The following FGF14 variants were observed in gnomAD, a reference collection of about 807,000 sequenced individuals.
FGF14 encodes fibroblast growth factor 14.
Under a neutral mutation model 25.5 loss-of-function variants are expected in FGF14, and 5 were observed. The ratio of observed to expected loss-of-function variants is 0.20; its 90% CI spans 0.10 to 0.41. The LOEUF is 0.41. FGF14 is among the 10% of genes least tolerant of loss of function. The pLI is 1.00. For missense variants in FGF14, 222 were observed against 320.1 expected (o/e 0.69, Z 2.34); for synonymous variants, 138 against 118.3 (o/e 1.17, Z -1.08).
chr13:101,808,356 C>G (rs2041316715), intron 3 of FGF14, among the ~76,000 whole-genome samples: 3 of 151,730 alleles, frequency 2.0e-5, no homozygotes, highest in Admixed American at 6.6e-5. Flanking sequence ...GCTTCTTTAC[C>G]TATACCATTC....
At chr13:102,167,333 A>AAGGAAATT in intron 1 of FGF14, among the ~76,000 whole-genome samples, 1 of 151,230 alleles carries the variant, frequency 6.6e-6, no homozygotes, top group Non-Finnish European at 1.5e-5. Flanking sequence ...AAAAAAAAAA[A>AAGGAAATT]AGGAAATTGT....
intron 1 of FGF14, among the ~76,000 whole-genome samples, chr13:101,994,165 G>T (rs2039056621): frequency 1.3e-5 from 2 of 151,890 alleles, no homozygotes; most frequent in Non-Finnish European, 2.9e-5. Context: ...GTGTTTATGT[G>T]CAAATAAAGA....
intron 1 of FGF14, among the ~76,000 whole-genome samples, chr13:101,887,373 C>G (rs1021525718): frequency 9.9e-5 from 15 of 151,370 alleles, no homozygotes; most frequent in African/African-American, 3.4e-4. Context: ...CACACATGCA[C>G]ATATATAATG....
chr13:101,724,477 G>C (rs1443736336), intron 4 of FGF14, among the ~76,000 whole-genome samples: 1 of 151,452 alleles, frequency 6.6e-6, no homozygotes, highest in East Asian at 1.9e-4. Context: ...AGCATTAGGA[G>C]ATATACCTAA....
intron 3 of FGF14, among the ~76,000 whole-genome samples, chr13:101,756,233 T>G (rs1383425956): frequency 6.6e-6 from 1 of 152,236 alleles, no homozygotes; most frequent in African/African-American, 2.4e-5. Flanking sequence ...TATTTTAGAC[T>G]AATTCATGCC....
intron 3 of FGF14, among the ~76,000 whole-genome samples, chr13:101,811,207 T>C (rs2041493716): frequency 6.6e-6 from 1 of 152,118 alleles, no homozygotes; most frequent in Non-Finnish European, 1.5e-5. Flanking sequence ...ATATATCCAC[T>C]ATTATACTAT....
intron 1 of FGF14, among the ~76,000 whole-genome samples, chr13:102,381,035 A>G (rs184409615): frequency 1.3e-5 from 2 of 152,308 alleles, no homozygotes. Context: ...ATTAGCCTAC[A>G]GTTGGGCAAA....
chr13:101,920,235 T>C (rs1157744782), upstream of FGF14, among the ~76,000 whole-genome samples: 1 of 152,168 alleles, frequency 6.6e-6, no homozygotes, highest in Non-Finnish European at 1.5e-5. Context: ...TTGTCACTCA[T>C]CAGAACCTCC....
chr13:102,310,696 T>TGG (rs1181823636), intron 1 of FGF14, among the ~76,000 whole-genome samples: 29 of 3,458 alleles, frequency 8.4e-3, no homozygotes, highest in South Asian at 0.02. Context: ...TGTGTGTGTG[T>TGG]GGGGGGGGGG....
intron 1 of FGF14, among the ~76,000 whole-genome samples, chr13:102,371,674 C>T (rs930002214): frequency 5.9e-5 from 9 of 152,132 alleles, no homozygotes; most frequent in African/African-American, 1.9e-4. Context: ...ATTCTTGGCA[C>T]ATAGAAGATC....
intron 1 of FGF14, among the ~76,000 whole-genome samples, chr13:102,033,368 G>A (rs866813813): frequency 6.6e-5 from 10 of 152,076 alleles, no homozygotes; most frequent in African/African-American, 2.4e-4. Context: ...TTAAAATGGG[G>A]CACATGACAA....
chr13:101,797,065 C>A (rs1349855461), intron 3 of FGF14, among the ~76,000 whole-genome samples: 2 of 152,118 alleles, frequency 1.3e-5, no homozygotes, highest in African/African-American at 4.8e-5. Context: ...AATATTCTCG[C>A]AAGTCTTCTT....
At chr13:102,204,732 A>G (rs900405988) in intron 1 of FGF14, among the ~76,000 whole-genome samples, 1 of 152,008 alleles carries the variant, frequency 6.6e-6, no homozygotes, top group Non-Finnish European at 1.5e-5. Context: ...TTATTAGTAG[A>G]GATGGGGTTT....
chr13:102,336,480 A>G (rs551666293), intron 1 of FGF14, among the ~76,000 whole-genome samples: 30 of 152,016 alleles, frequency 2.0e-4, no homozygotes, highest in African/African-American at 2.7e-4. Context: ...AGGTTTAGGG[A>G]AAAAAAAGCC....
chr13:102,136,948 A>G (rs932977905), intron 1 of FGF14, among the ~76,000 whole-genome samples: 2 of 152,330 alleles, frequency 1.3e-5, no homozygotes, highest in African/African-American at 4.8e-5. Flanking sequence ...AACCTGGGAC[A>G]TTAGATTACT....
At chr13:102,154,111 T>G (rs2047209678) in intron 1 of FGF14, among the ~76,000 whole-genome samples, 1 of 152,088 alleles carries the variant, frequency 6.6e-6, no homozygotes, top group South Asian at 2.1e-4. Flanking sequence ...GTTAAATCTT[T>G]GAACTCCCAA....
At chr13:102,088,707 T>C (rs1264625940) in intron 1 of FGF14, among the ~76,000 whole-genome samples, 1 of 152,164 alleles carries the variant, frequency 6.6e-6, no homozygotes, top group Non-Finnish European at 1.5e-5. Context: ...TTTAGACATA[T>C]ATATCTAATC....
intron 1 of FGF14, among the ~76,000 whole-genome samples, chr13:102,181,078 G>A (rs1367533863): frequency 6.6e-6 from 1 of 152,116 alleles, no homozygotes; most frequent in Non-Finnish European, 1.5e-5. Flanking sequence ...CTCTCTACCT[G>A]TTGTTCTTCG....
At chr13:101,988,900 T>A (rs1054124067) in intron 1 of FGF14, among the ~76,000 whole-genome samples, 5 of 151,340 alleles carry the variant, frequency 3.3e-5, no homozygotes, top group African/African-American at 1.2e-4. Flanking sequence ...GGGGTTTCTT[T>A]TATTTGTTTG....
Sources: allele counts gnomAD v4.1 joint callset (sites outside exome capture counted in the v4.1 genomes callset), GRCh38; gene constraint gnomAD v4.1.1; transcripts MANE v1.5; gene names NCBI Gene and HGNC (gene_info 2026-07-23, HGNC 2026-07-21).